The following SLC2A14 variants were observed in gnomAD, a reference collection of about 807,000 sequenced individuals.
SLC2A14 encodes solute carrier family 2, facilitated glucose transporter member 14.
In SLC2A14, 13 loss-of-function variants were observed where a neutral mutation model predicts 43.0. The ratio of observed to expected loss-of-function variants is 0.30; its 90% CI spans 0.20 to 0.48. The LOEUF is 0.48. SLC2A14 is among the 20% of genes least tolerant of loss of function. The pLI, the probability that SLC2A14 is intolerant of heterozygous loss-of-function variation, is 0.99. For synonymous variants in SLC2A14, 190 were observed against 233.8 expected (o/e 0.81, Z 1.71); for missense variants, 428 against 620.4 (o/e 0.69, Z 3.29).
At chr12:7,866,268 G>A (rs1944903683) in intron 2 of SLC2A14, among the ~76,000 whole-genome samples, 1 of 150,036 alleles carries the variant, frequency 6.7e-6, no homozygotes, top group African/African-American at 2.4e-5. Context: ...CAGATGTATT[G>A]CTGATATGGA....
chr12:7,883,993 G>A (rs934981410), intron 1 of SLC2A14, among the ~76,000 whole-genome samples: 2 of 149,678 alleles, frequency 1.3e-5, no homozygotes, highest in South Asian at 2.1e-4. Flanking sequence ...GCACAATCTC[G>A]GCTCACTGCA....
At chr12:7,834,762 T>C (rs1347718622) in intron 2 of SLC2A14, among the ~76,000 whole-genome samples, 5 of 152,048 alleles carry the variant, frequency 3.3e-5, no homozygotes, top group Admixed American at 2.6e-4. Flanking sequence ...AAGTGTTCCT[T>C]GGGCAAATGG....
At chr12:7,838,746 G>A (rs1218623462) in intron 2 of SLC2A14, among the ~76,000 whole-genome samples, 1 of 152,218 alleles carries the variant, frequency 6.6e-6, no homozygotes, top group African/African-American at 2.4e-5. Flanking sequence ...TGGGGGGCCA[G>A]AGGGCAAAGT....
At chr12:7,886,178 T>G (rs956323336) in intron 1 of SLC2A14, among the ~76,000 whole-genome samples, 5 of 44,682 alleles carry the variant, frequency 1.1e-4, no homozygotes, top group African/African-American at 3.1e-4. Context: ...TTTTTTTTTT[T>G]TTTGAGACAA....
intron 1 of SLC2A14, among the ~76,000 whole-genome samples, chr12:7,889,177 GGAATAAAA>G (rs1356455562): frequency 6.7e-6 from 1 of 150,164 alleles, no homozygotes; most frequent in Non-Finnish European, 1.5e-5. Context: ...AGAAAGTAAA[GGAATAAAA>G]GAAAGGCTAC....
intron 2 of SLC2A14, among the ~76,000 whole-genome samples, chr12:7,862,646 T>C (rs1477629713): frequency 6.6e-6 from 1 of 152,146 alleles, no homozygotes; most frequent in African/African-American, 2.4e-5. Context: ...CCAGCTGGGC[T>C]CCTGAGTCTG....
rs188190590 is a variant in SLC2A14, at chr12:7,882,928, T to G, written c.132+8068A>C. 1.0e-3 allele frequency among the ~76,000 whole-genome samples: 152 copies of G among 151,224 alleles called. 1 individual carries two copies. The highest frequency in any genetic ancestry group is 3.6e-3 in the African/African-American group (147 of 41,344). On this transcript the variant is annotated intron_variant, in intron 1 of 9. Transcript: ENST00000539924. ...GGACTAAGACTCTTAAATGCTCTCC[T>G]GGCTAGGTGTGGTGGCTCGTGCCTG... is the stretch of plus-strand genomic sequence containing the variant.
upstream of SLC2A14, among the ~76,000 whole-genome samples, chr12:7,876,365 T>A (rs1220694558): frequency 6.7e-6 from 1 of 148,286 alleles, no homozygotes; most frequent in Non-Finnish European, 1.5e-5. Flanking sequence ...AAGAGTACAG[T>A]CACCTGTGAA....
intron 2 of SLC2A14, among the ~76,000 whole-genome samples, chr12:7,863,045 TGTTGAA>T (rs1944675925): frequency 6.6e-6 from 1 of 152,156 alleles, no homozygotes; most frequent in African/African-American, 2.4e-5. Context: ...CCTTTCAAAC[TGTTGAA>T]GCTTTGTTGT....
upstream of SLC2A14, among the ~76,000 whole-genome samples, chr12:7,875,198 A>AT (rs1565585730): frequency 4.3e-5 from 2 of 46,614 alleles, no homozygotes; most frequent in African/African-American, 1.5e-4. Context: ...AATATATTAA[A>AT]ATATATTTAT....
At chr12:7,864,299 A>G (rs112450903) in intron 2 of SLC2A14, among the ~76,000 whole-genome samples, 5 of 151,744 alleles carry the variant, frequency 3.3e-5, no homozygotes, top group African/African-American at 9.7e-5. Flanking sequence ...AAATTTATCA[A>G]TTTTTCCTCT....
upstream of SLC2A14, among the ~76,000 whole-genome samples, chr12:7,874,303 G>A (rs1203789708): frequency 6.6e-6 from 1 of 152,082 alleles, no homozygotes; most frequent in Non-Finnish European, 1.5e-5. Context: ...ACACTCAACA[G>A]AAATGTATAC....
At chr12:7,847,919 G>C (rs1436265470) in intron 2 of SLC2A14, among the ~76,000 whole-genome samples, 1 of 152,098 alleles carries the variant, frequency 6.6e-6, no homozygotes, top group Non-Finnish European at 1.5e-5. Flanking sequence ...TTTACTTCTA[G>C]AAATGGATGG....
chr12:7,866,224 C>CAAAAA (rs1294745106), intron 2 of SLC2A14, among the ~76,000 whole-genome samples: 8 of 93,574 alleles, frequency 8.5e-5, no homozygotes, highest in Non-Finnish European at 1.0e-4. Context: ...GACTCTGTCT[C>CAAAAA]AAAAAAAAAA....
intron 2 of SLC2A14, among the ~76,000 whole-genome samples, chr12:7,847,481 A>T (rs1436331424): frequency 6.6e-6 from 1 of 152,186 alleles, no homozygotes; most frequent in Non-Finnish European, 1.5e-5. Context: ...AAAACAGATG[A>T]CAGGTTAATT....
chr12:7,882,045 C>A (rs755228846), intron 1 of SLC2A14, among the ~76,000 whole-genome samples: 7 of 152,018 alleles, frequency 4.6e-5, no homozygotes, highest in Non-Finnish European at 7.4e-5. Context: ...GCAGGCTGCC[C>A]GGGCCAGCAG....
chr12:7,882,514 A>T (rs1202954294), intron 1 of SLC2A14, among the ~76,000 whole-genome samples: 1 of 151,778 alleles, frequency 6.6e-6, no homozygotes, highest in Non-Finnish European at 1.5e-5. Flanking sequence ...AGCGAAACTT[A>T]CCTCTCAAAG....
intron 2 of SLC2A14, among the ~76,000 whole-genome samples, chr12:7,865,357 G>A (rs1944850912): frequency 6.6e-6 from 1 of 151,938 alleles, no homozygotes; most frequent in Non-Finnish European, 1.5e-5. Flanking sequence ...CTAACATGGT[G>A]GAACCCCATC....
intron 2 of SLC2A14, among the ~76,000 whole-genome samples, chr12:7,846,834 G>C (rs1189295012): frequency 2.0e-5 from 3 of 151,428 alleles, no homozygotes; most frequent in Non-Finnish European, 4.4e-5. Context: ...GGGTTTCACT[G>C]TGTTGGCCAG....
Sources: gnomAD v4.1 joint callset for allele counts (sites outside exome capture counted in the v4.1 genomes callset) on GRCh38, gnomAD v4.1.1 for gene constraint, MANE v1.5 for transcripts, NCBI Gene and HGNC (gene_info 2026-07-23, HGNC 2026-07-21) for gene names.